The following P2RY14 variants were observed in gnomAD, a reference collection of about 807,000 sequenced individuals.
P2RY14 encodes the protein purinergic receptor P2Y14.
Under a neutral mutation model 0.9 loss-of-function variants are expected in P2RY14, and 2 were observed. The observed-to-expected ratio is 2.16, with a 90% CI of 0.88 to 6.79. The LOEUF (loss-of-function observed/expected upper bound fraction) is 6.79. P2RY14 is among the 30% of genes most tolerant of loss of function. The pLI, the probability that P2RY14 is intolerant of heterozygous loss-of-function variation, is 0.05. For synonymous variants in P2RY14, 158 were observed against 147.2 expected (o/e 1.07, Z -0.53); for missense variants, 378 against 400.1 (o/e 0.94, Z 0.47).
intron 1 of P2RY14, among the ~76,000 whole-genome samples, chr3:151,268,015 GTCTTATGCGTTC>G (rs1388389288): frequency 2.0e-5 from 3 of 152,096 alleles, no homozygotes; most frequent in African/African-American, 7.2e-5. Flanking sequence ...GCTCTTTTTA[GTCTTATGCGTTC>G]TTAGTAAAGT....
chr3:151,214,020 C>T lies in P2RY14; in HGVS notation c.297G>A (p.Val99=), dbSNP rs780157858. Residue 99 remains valine, a synonymous_variant, in exon 3 of 3, where the codon GTG becomes GTA. Transcript: ENST00000309170. ...LNVFVCRVSA[V]LFYVNMYVSI... ...TGACGTACATGTTGACGTAGAAGAG[C>T]ACGGCAGAGACCCTGCACACAAACA... 1.2e-6 allele frequency: 2 copies of T among 1,614,042 alleles called. No individual in the cohort carries two copies. Among genetic ancestry groups the T allele is most frequent in the South Asian group, 2.2e-5 (2 of 91,072 alleles).
intron 1 of P2RY14, chr3:151,269,393 TCCATCACACACACA>T (rs1740430925): frequency 1.1e-5 from 1 of 89,854 alleles, no homozygotes; most frequent in Non-Finnish European, 1.9e-5. Flanking sequence ...AGAGTGAAAC[TCCATCACACACACA>T]CACACACACA....
intron 1 of P2RY14, among the ~76,000 whole-genome samples, chr3:151,274,848 A>T (rs1447977456): frequency 6.6e-5 from 10 of 152,212 alleles, no homozygotes; most frequent in Non-Finnish European, 1.0e-4. Flanking sequence ...TCATCACACC[A>T]TCTCTACCAT....
chr3:151,226,602 G>A (rs966702515), intron 1 of P2RY14, among the ~76,000 whole-genome samples: 5 of 150,654 alleles, frequency 3.3e-5, no homozygotes, highest in Non-Finnish European at 6.0e-5. Context: ...ATCTTGAGAA[G>A]TCAGCCAGTG....
chr3:151,243,349 T>C (rs1163555164), intron 1 of P2RY14, among the ~76,000 whole-genome samples: 6 of 150,858 alleles, frequency 4.0e-5, no homozygotes, highest in Non-Finnish European at 1.5e-5. Flanking sequence ...GGAAAAAATG[T>C]TAAGGGCAGC....
intron 1 of P2RY14, among the ~76,000 whole-genome samples, chr3:151,224,379 A>G (rs1730054614): frequency 6.6e-6 from 1 of 151,814 alleles, no homozygotes; most frequent in Non-Finnish European, 1.5e-5. Flanking sequence ...GTAATCATTT[A>G]TACATTTTTA....
chr3:151,213,884 C>G lies in P2RY14; in HGVS notation c.433G>C (p.Val145Leu), dbSNP rs528781113. The change falls in exon 3 of 3, where the codon GTA (valine) becomes CTA (leucine). Residue 145 changes from valine (V) to leucine (L), a missense_variant. Physicochemically the swap from Val to Leu is conservative, Grantham distance 32. Coordinates refer to ENST00000309170, the MANE Select transcript of P2RY14 (RefSeq NM_014879.4). Reference sequence around the variant, plus strand: ...GCAAGGAGGAGCATGAGCATCCATACTATCACTGACAGAAGTTTGCTGTAA... The same window carrying G: ...GCAAGGAGGAGCATGAGCATCCATAGTATCACTGACAGAAGTTTGCTGTAA... ...VSYSKLLSVI[V>L]WMLMLLLAVP... 1.2e-6 allele frequency: 2 copies of G among 1,614,002 alleles called. No individual in the cohort carries two copies. The highest frequency in any genetic ancestry group is 1.7e-6 in the Non-Finnish European group (2 of 1,179,854).
intron 1 of P2RY14, among the ~76,000 whole-genome samples, chr3:151,244,395 A>G (rs1040849333): frequency 8.9e-5 from 12 of 134,488 alleles, no homozygotes; most frequent in Non-Finnish European, 2.0e-4. Flanking sequence ...AATGTAAAAG[A>G]ACAGAAATTA....
At chr3:151,221,539 A>G (rs28810515) in intron 1 of P2RY14, among the ~76,000 whole-genome samples, 21,561 of 152,148 alleles carry the variant, frequency 0.14, 1,608 homozygotes, top group Middle Eastern at 0.17. Flanking sequence ...GGTGCCCTGC[A>G]TCCCAGCCAC....
intron 1 of P2RY14, among the ~76,000 whole-genome samples, chr3:151,248,075 A>C (rs1577114007): frequency 6.7e-6 from 1 of 149,968 alleles, no homozygotes; most frequent in East Asian, 2.0e-4. Flanking sequence ...TTACTACATA[A>C]TTTATAGAAA....
chr3:151,215,050 T>C (rs1027627083), intron 2 of P2RY14, among the ~76,000 whole-genome samples: 1 of 152,102 alleles, frequency 6.6e-6, no homozygotes, highest in Non-Finnish European at 1.5e-5. Flanking sequence ...CTAACAAACA[T>C]ATACATTCAA....
intron 1 of P2RY14, among the ~76,000 whole-genome samples, chr3:151,224,829 T>C (rs1577026489): frequency 6.6e-6 from 1 of 152,322 alleles, no homozygotes; most frequent in South Asian, 2.1e-4. Flanking sequence ...TGATTTCCCC[T>C]TATTGAAATC....
At chr3:151,223,724 T>C (rs535390817) in intron 1 of P2RY14, among the ~76,000 whole-genome samples, 39 of 152,296 alleles carry the variant, frequency 2.6e-4, no homozygotes, top group African/African-American at 8.7e-4. Context: ...GTGGAAAAAC[T>C]TACTCTTGGG....
chr3:151,273,906 A>G (rs1203499046), intron 1 of P2RY14, among the ~76,000 whole-genome samples: 1 of 152,206 alleles, frequency 6.6e-6, no homozygotes, highest in Admixed American at 6.5e-5. Context: ...ACATTTATTG[A>G]AAACTTCACT....
chr3:151,245,974 C>T (rs1208510078), intron 1 of P2RY14, among the ~76,000 whole-genome samples: 5 of 150,808 alleles, frequency 3.3e-5, no homozygotes, highest in South Asian at 4.2e-4. Context: ...TATACACCAG[C>T]AACAGACAAA....
At chr3:151,253,741 G>A (rs986290466) in intron 1 of P2RY14, among the ~76,000 whole-genome samples, 25 of 152,100 alleles carry the variant, frequency 1.6e-4, no homozygotes, top group Non-Finnish European at 3.2e-4. Flanking sequence ...GGGTGGGGCA[G>A]GTGACTTTTT....
At chr3:151,235,314 C>A (rs1559914872) in intron 1 of P2RY14, among the ~76,000 whole-genome samples, 1 of 152,172 alleles carries the variant, frequency 6.6e-6, no homozygotes, top group East Asian at 1.9e-4. Context: ...GCATGACCAG[C>A]TGAGTTTTGT....
At chr3:151,253,332 C>T (rs143661339) in intron 1 of P2RY14, among the ~76,000 whole-genome samples, 6 of 152,296 alleles carry the variant, frequency 3.9e-5, no homozygotes, top group East Asian at 1.9e-4. Context: ...AGGGGCCTTC[C>T]GCTCTTACCC....
chr3:151,257,300 CG>C (rs1476884980), intron 1 of P2RY14, among the ~76,000 whole-genome samples: 1 of 152,166 alleles, frequency 6.6e-6, no homozygotes, highest in Non-Finnish European at 1.5e-5. Flanking sequence ...CTTTCCACTG[CG>C]TATTAATCTC....
Sources: allele counts gnomAD v4.1 joint callset (sites outside exome capture counted in the v4.1 genomes callset), GRCh38; gene constraint gnomAD v4.1.1; transcripts MANE v1.5; gene names NCBI Gene and HGNC (gene_info 2026-07-23, HGNC 2026-07-21).